The following KCNIP4 variants were observed in gnomAD, a reference collection of about 807,000 sequenced individuals.
KCNIP4 encodes the protein potassium voltage-gated channel interacting protein 4, also known as Kv channel-interacting protein 4.
KCNIP4 carries 12 observed loss-of-function variants against 34.0 expected under a neutral mutation model. The observed-to-expected ratio is 0.35, with a 90% CI of 0.23 to 0.57. KCNIP4 has a LOEUF of 0.57. Ranked by LOEUF, KCNIP4 falls within the 20% of genes least tolerant of loss-of-function variation. The pLI is 0.83. For missense variants in KCNIP4, 238 were observed against 311.7 expected (o/e 0.76, Z 1.78); for synonymous variants, 124 against 102.2 (o/e 1.21, Z -1.29).
At position 21,418,586 on chromosome 4, in the gene KCNIP4, G is replaced by A. The variant is rs188315628; in HGVS notation, c.61+529985C>T. Among the ~76,000 whole-genome samples, 30 of 152,266 alleles carry A rather than the reference G, an allele frequency of 2.0e-4. 1 individual carries two copies. The East Asian group carries it at 5.2e-3, about 26-fold the overall frequency. On this transcript the variant is annotated intron_variant, in intron 1 of 8. Coordinates refer to ENST00000382152, the MANE Select transcript of KCNIP4 (RefSeq NM_025221.6). ...GTGCTTTTCCATCTGTCCCTGCATC[G>A]CTCTGGAGAGATATAAAGAGACTTT...
chr4:21,471,444 T>C (rs544927604), intron 1 of KCNIP4, among the ~76,000 whole-genome samples: 26 of 152,302 alleles, frequency 1.7e-4, no homozygotes, highest in African/African-American at 5.8e-4. Context: ...AGAATAATAA[T>C]TAGCAAATTT....
intron 5 of KCNIP4, among the ~76,000 whole-genome samples, chr4:20,745,194 T>C (rs1366026789): frequency 6.6e-6 from 1 of 150,690 alleles, no homozygotes; most frequent in Non-Finnish European, 1.5e-5. Flanking sequence ...TTTTTGTTGC[T>C]GTGAACCAAT....
chr4:21,832,911 G>C (rs1639895705), intron 1 of KCNIP4, among the ~76,000 whole-genome samples: 1 of 150,910 alleles, frequency 6.6e-6, no homozygotes, highest in African/African-American at 2.5e-5. Context: ...CCCTACAAAG[G>C]ACATGAACTC....
chr4:21,409,081 T>C lies in KCNIP4; in HGVS notation c.62-526372A>G, dbSNP rs891217333. ...AAGGAACACATTTAGTTTTAGGAAATCTTCAAGTTTTTTTTTGTTTTTTAC... is the reference window on the plus strand; with the variant it reads ...AAGGAACACATTTAGTTTTAGGAAACCTTCAAGTTTTTTTTTGTTTTTTAC... On this transcript the variant is annotated intron_variant, in intron 1 of 8. Coordinates refer to ENST00000382152, the MANE Select transcript of KCNIP4 (RefSeq NM_025221.6). 7.6e-5 allele frequency among the ~76,000 whole-genome samples: 9 copies of C among 117,724 alleles called. No homozygotes were observed. In the Admixed American group the frequency reaches 8.2e-4, roughly 11 times the overall value. 77.2% of individuals were successfully genotyped at this position (117,724 alleles called of 152,430 possible).
intron 1 of KCNIP4, among the ~76,000 whole-genome samples, chr4:21,590,842 C>T (rs547963955): frequency 6.6e-6 from 1 of 152,036 alleles, no homozygotes; most frequent in African/African-American, 2.4e-5. Context: ...CTCTCTCTCT[C>T]TTAAAATTAG....
At chr4:21,223,769 T>A (rs536072116) in intron 1 of KCNIP4, among the ~76,000 whole-genome samples, 1 of 152,284 alleles carries the variant, frequency 6.6e-6, no homozygotes, top group African/African-American at 2.4e-5. Context: ...CTTACTTAGT[T>A]GATGAATAGG....
At chr4:20,751,544 A>G (rs1753638946) in intron 4 of KCNIP4, among the ~76,000 whole-genome samples, 1 of 152,100 alleles carries the variant, frequency 6.6e-6, no homozygotes, top group Non-Finnish European at 1.5e-5. Context: ...GGAGGAAAAA[A>G]AAAAGAGATT....
At chr4:21,809,311 T>C (rs1384049513) in intron 1 of KCNIP4, among the ~76,000 whole-genome samples, 1 of 152,188 alleles carries the variant, frequency 6.6e-6, no homozygotes. Flanking sequence ...CTCCTCATTA[T>C]CAAGCCTTCA....
In KCNIP4 at chr4:21,318,814, C is replaced by T. The variant is rs572485808; in HGVS notation, c.62-436105G>A. On this transcript the variant is annotated intron_variant, in intron 1 of 8. Coordinates refer to ENST00000382152, the MANE Select transcript of KCNIP4 (RefSeq NM_025221.6). ...GCAGTTTTACAAGGTTAGTAAAAAC[C>T]CTCTTGGGTTTTTATTTTTCCTGGA... Among the ~76,000 whole-genome samples the T allele has an allele frequency of 5.3e-5, 8 of 151,902 alleles. No homozygotes were observed. The South Asian group carries it at 1.7e-3, about 32-fold the overall frequency.
At chr4:21,689,754 C>T (rs922667755) in intron 1 of KCNIP4, among the ~76,000 whole-genome samples, 2 of 152,084 alleles carry the variant, frequency 1.3e-5, no homozygotes, top group Non-Finnish European at 2.9e-5. Flanking sequence ...GAAATGCTCC[C>T]TTATGCCAAA....
chr4:21,235,587 C>A (rs368280910), intron 1 of KCNIP4, among the ~76,000 whole-genome samples: 1 of 152,112 alleles, frequency 6.6e-6, no homozygotes, highest in Non-Finnish European at 1.5e-5. Flanking sequence ...TGACCCACTC[C>A]GTCCTTCTCT....
intron 1 of KCNIP4, among the ~76,000 whole-genome samples, chr4:21,700,415 C>T (rs1465450790): frequency 1.3e-5 from 2 of 152,088 alleles, no homozygotes; most frequent in Non-Finnish European, 2.9e-5. Flanking sequence ...AGGTCCTTTG[C>T]CCACTTTTTA....
At chr4:21,828,207 TAC>T (rs1192481455) in intron 1 of KCNIP4, among the ~76,000 whole-genome samples, 1 of 151,284 alleles carries the variant, frequency 6.6e-6, no homozygotes, top group East Asian at 1.9e-4. Flanking sequence ...TTTAAAATAA[TAC>T]ATAACAATTG....
At chr4:21,390,741 C>T (rs949086179) in intron 1 of KCNIP4, among the ~76,000 whole-genome samples, 1 of 152,134 alleles carries the variant, frequency 6.6e-6, no homozygotes, top group African/African-American at 2.4e-5. Context: ...TAGTGTGATG[C>T]CTCCAGCTTT....
At chr4:21,790,561 T>G (rs1720208876) in intron 1 of KCNIP4, among the ~76,000 whole-genome samples, 1 of 152,016 alleles carries the variant, frequency 6.6e-6, no homozygotes, top group South Asian at 2.1e-4. Flanking sequence ...GGACAAGTTT[T>G]GTATTATATT....
chr4:21,508,793 T>A (rs1734070206), intron 1 of KCNIP4, among the ~76,000 whole-genome samples: 1 of 152,132 alleles, frequency 6.6e-6, no homozygotes, highest in Admixed American at 6.6e-5. Context: ...AAGAGAGAGA[T>A]CTGGGCCTCT....
At chr4:21,372,810 T>A (rs1383943347) in intron 1 of KCNIP4, among the ~76,000 whole-genome samples, 2 of 146,148 alleles carry the variant, frequency 1.4e-5, no homozygotes, top group South Asian at 2.1e-4. Flanking sequence ...TCAGGCAGTT[T>A]TTGTGTTCAG....
intron 1 of KCNIP4, among the ~76,000 whole-genome samples, chr4:21,132,222 C>T (rs535375621): frequency 6.6e-6 from 1 of 152,192 alleles, no homozygotes; most frequent in African/African-American, 2.4e-5. Flanking sequence ...CATATAAGAA[C>T]AGCCTGTTTC....
intron 2 of KCNIP4, among the ~76,000 whole-genome samples, chr4:20,864,174 A>G (rs1206969680): frequency 2.8e-5 from 2 of 71,966 alleles, no homozygotes; most frequent in African/African-American, 6.9e-5. Flanking sequence ...GTATGTATAC[A>G]CATGTATGTA....
Sources: allele counts gnomAD v4.1 joint callset (sites outside exome capture counted in the v4.1 genomes callset), GRCh38; gene constraint gnomAD v4.1.1; transcripts MANE v1.5; gene names NCBI Gene and HGNC (gene_info 2026-07-23, HGNC 2026-07-21).